ARMC2: variants seen among roughly 807,000 people sequenced by gnomAD.
The protein encoded by ARMC2 is armadillo repeat-containing protein 2.
A neutral mutation model predicts 90.3 loss-of-function variants in ARMC2; 67 were observed. That is an observed-to-expected ratio of 0.74 (90% CI 0.61 to 0.91). The LOEUF (loss-of-function observed/expected upper bound fraction) is 0.91, where lower values mean the gene tolerates loss of function less well. ARMC2 is among the 40% of genes least tolerant of loss of function. ARMC2 has a pLI of 0.00. For synonymous variants in ARMC2, 393 were observed against 393.0 expected, an observed-to-expected ratio of 1.00 and a Z score of 0.00; for missense variants, 920 against 1,030.9, an observed-to-expected ratio of 0.89 and a Z score of 1.47.
intron 10 of ARMC2, among the ~76,000 whole-genome samples, chr6:108,924,532 A>AG (rs1774928929): frequency 6.6e-6 from 1 of 152,118 alleles, no homozygotes; most frequent in African/African-American, 2.4e-5. Flanking sequence ...CCGGGGGAGA[A>AG]GGGGTGGCAA....
intron 4 of ARMC2, among the ~76,000 whole-genome samples, chr6:108,874,516 T>G (rs1035208613): frequency 6.6e-6 from 1 of 152,240 alleles, no homozygotes; most frequent in African/African-American, 2.4e-5. Flanking sequence ...TGTGGTGATA[T>G]GGAGAGAGCC....
chr6:109,014,047 A>T, the ARMC2 span, among the ~76,000 whole-genome samples: 6 of 149,856 alleles, frequency 4.0e-5, no homozygotes, highest in Non-Finnish European at 5.9e-5. Flanking sequence ...GAATTATATC[A>T]CTTTAAAGGA....
intron 5 of ARMC2, among the ~76,000 whole-genome samples, chr6:108,885,173 A>G (rs1777960008): frequency 6.6e-6 from 1 of 152,114 alleles, no homozygotes; most frequent in Non-Finnish European, 1.5e-5. Flanking sequence ...TCGTGTATAT[A>G]TATATAGAAC....
intron 5 of ARMC2, among the ~76,000 whole-genome samples, chr6:108,887,223 A>C (rs575245538): frequency 6.6e-6 from 1 of 152,030 alleles, no homozygotes; most frequent in South Asian, 2.1e-4. Flanking sequence ...ATTTTATAGT[A>C]TTTTTAAAGA....
chr6:109,016,963 CTA>C, the ARMC2 span, among the ~76,000 whole-genome samples: 1 of 151,770 alleles, frequency 6.6e-6, no homozygotes, highest in Non-Finnish European at 1.5e-5. Context: ...TGTTATGAGT[CTA>C]ATTTTTAAAA....
the ARMC2 span, chr6:109,001,584 C>G: frequency 9.3e-7 from 1 of 1,073,556 alleles, no homozygotes; most frequent in Non-Finnish European, 1.4e-6. Context: ...CATTTAGAAG[C>G]AGATTAAATC....
the ARMC2 span, among the ~76,000 whole-genome samples, chr6:109,042,531 G>A: frequency 0.92 from 136,639 of 148,186 alleles, 63,011 homozygotes; most frequent in African/African-American, 0.95. Context: ...GGATTATTGC[G>A]AAAAAAAAAA....
At chr6:108,917,167 T>G (rs1468935362) in intron 10 of ARMC2, among the ~76,000 whole-genome samples, 1 of 152,332 alleles carries the variant, frequency 6.6e-6, no homozygotes, top group Non-Finnish European at 1.5e-5. Flanking sequence ...ATTATTTGCC[T>G]TCTTTAGATA....
Position 108,912,364 on chromosome 6 carries a change from G to C in ARMC2, c.1156G>C (p.Asp386His). 1.9e-6 allele frequency: 3 copies of C among 1,610,132 alleles called. No individual in the cohort carries two copies. In the Middle Eastern group the frequency reaches 5.0e-4, roughly 266 times the overall value. ...ESLLEVLRSE[D>H]LQTNMEAFLY... Reference sequence around the variant, plus strand: ...ATTATTGGAGGTACTAAGAAGTGAAGACCTGCAAACTAACATGGAAGCTTT... The same window carrying C: ...ATTATTGGAGGTACTAAGAAGTGAACACCTGCAAACTAACATGGAAGCTTT... Residue 386 changes from aspartate (D) to histidine (H), a missense_variant, in exon 10 of 18, where the codon GAC becomes CAC. Physicochemically the swap from Asp to His is moderately conservative, Grantham distance 81 (BLOSUM62 -1). Coordinates refer to ENST00000392644, the MANE Select transcript of ARMC2 (RefSeq NM_032131.6).
the ARMC2 span, among the ~76,000 whole-genome samples, chr6:108,985,989 C>A: frequency 1.3e-5 from 2 of 152,088 alleles, no homozygotes; most frequent in Admixed American, 6.5e-5. Context: ...ATTGATCCTT[C>A]CCAACCCCTA....
chr6:108,925,214 T>C (rs1175768159), intron 10 of ARMC2, among the ~76,000 whole-genome samples: 1 of 152,190 alleles, frequency 6.6e-6, no homozygotes, highest in Non-Finnish European at 1.5e-5. Flanking sequence ...CCATTTTTCT[T>C]TCATCCATTA....
chr6:108,872,336 T>C (rs1776501383), intron 4 of ARMC2, among the ~76,000 whole-genome samples: 1 of 152,202 alleles, frequency 6.6e-6, no homozygotes, highest in Non-Finnish European at 1.5e-5. Flanking sequence ...TCCCCAGTTA[T>C]TCAAGCCAGA....
intron 10 of ARMC2, among the ~76,000 whole-genome samples, chr6:108,919,699 C>T (rs1774355787): frequency 6.6e-6 from 1 of 152,016 alleles, no homozygotes; most frequent in Non-Finnish European, 1.5e-5. Context: ...AGTAGAAAGC[C>T]ACGTAGCCCC....
chr6:109,030,117 T>C, the ARMC2 span, among the ~76,000 whole-genome samples: 1 of 152,160 alleles, frequency 6.6e-6, no homozygotes, highest in East Asian at 1.9e-4. Context: ...ACGTGTCTGC[T>C]TCCTCTGATT....
the ARMC2 span, among the ~76,000 whole-genome samples, chr6:109,052,535 G>A: frequency 6.6e-6 from 1 of 152,166 alleles, no homozygotes; most frequent in African/African-American, 2.4e-5. Context: ...AGACTTCAAT[G>A]TTCACTTAAA....
At chr6:108,960,277 C>G (rs1387985476) in intron 13 of ARMC2, among the ~76,000 whole-genome samples, 3 of 152,240 alleles carry the variant, frequency 2.0e-5, no homozygotes, top group Admixed American at 1.3e-4. Context: ...ACAGTCTCCA[C>G]TCCGCCACAT....
chr6:108,990,290 G>A, the ARMC2 span, among the ~76,000 whole-genome samples: 2 of 152,198 alleles, frequency 1.3e-5, no homozygotes, highest in Non-Finnish European at 2.9e-5. Flanking sequence ...GATTTCCAAG[G>A]AGGTAGAAAC....
intron 2 of ARMC2, among the ~76,000 whole-genome samples, chr6:108,856,021 T>C (rs1437259239): frequency 1.3e-5 from 2 of 152,236 alleles, no homozygotes; most frequent in African/African-American, 4.8e-5. Context: ...CTTCTCTTGA[T>C]AGTGTCTTTT....
chr6:108,991,755 G>A, the ARMC2 span, among the ~76,000 whole-genome samples: 3 of 152,138 alleles, frequency 2.0e-5, no homozygotes, highest in South Asian at 6.2e-4. Flanking sequence ...CCATCACGCT[G>A]GTCAAAGCCT....
Sources: gnomAD v4.1 joint callset for allele counts (sites outside exome capture counted in the v4.1 genomes callset) on GRCh38, gnomAD v4.1.1 for gene constraint, MANE v1.5 for transcripts, NCBI Gene and HGNC (gene_info 2026-07-23, HGNC 2026-07-21) for gene names.